The following ADSS1 variants were observed in gnomAD, a reference collection of about 807,000 sequenced individuals.
ADSS1 encodes the protein adenylosuccinate synthetase isozyme 1.
In ADSS1, 57 loss-of-function variants were observed where a neutral mutation model predicts 59.1. That is an observed-to-expected ratio of 0.97 (90% CI 0.78 to 1.20). ADSS1 has a LOEUF of 1.20. ADSS1 is among the 50% of genes most tolerant of loss of function. ADSS1 has a pLI of 0.00. For synonymous variants in ADSS1, 247 were observed against 249.4 expected (o/e 0.99, Z 0.09); for missense variants, 603 against 610.3 (o/e 0.99, Z 0.13).
At chr14:104,742,135 G>A (rs1037461219) in intron 9 of ADSS1, 133 bp downstream of exon 9, 1 of 1,337,126 alleles carries the variant, frequency 7.5e-7, no homozygotes, top group South Asian at 1.4e-5. Flanking sequence ...TCCCACCAGG[G>A]CGCTTCCTGC....
intron 7 of ADSS1, 42 bp from the exon 8 acceptor site, chr14:104,741,075 C>T: frequency 6.3e-7 from 1 of 1,585,282 alleles, no homozygotes; most frequent in African/African-American, 1.3e-5. Flanking sequence ...CTCCCCTGCC[C>T]CAGGCCACAG....
Position 104,729,959 on chromosome 14 carries a change from GC to G in ADSS1, c.193-5058del, listed in dbSNP as rs777908589. The G allele has an allele frequency of 1.3e-6, 2 of 1,587,588 alleles. No homozygotes were observed. Among genetic ancestry groups the G allele is most frequent in the Non-Finnish European group, 1.7e-6 (2 of 1,167,338 alleles). On this transcript the variant is annotated intron_variant, in intron 1 of 12. Coordinates refer to ENST00000330877, the MANE Select transcript of ADSS1 (RefSeq NM_152328.5). The stretch of plus-strand genomic sequence containing the variant: ...AGGTGGGCAGAGGCCCACGAACCTG[GC>G]CCTGACCCTCAGCTCGTCCCCAGCT...
At chr14:104,724,493 ACCGCCCAGCGAGCCCCCCTCC>A (rs1453898611) in intron 1 of ADSS1, 31 bp downstream of exon 1, 46 of 252,988 alleles carry the variant, frequency 1.8e-4, no homozygotes, top group Non-Finnish European at 2.3e-4. Flanking sequence ...TCCCTCCCCC[ACCGCCCAGCGAGCCCCCCTCC>A]CCCGACCCAG....
Position 104,746,473 on chromosome 14 carries a change from A to G in ADSS1, c.1321+88A>G, listed in dbSNP as rs1891563221. On this transcript the variant is annotated intron_variant, in intron 12 of 12. Transcript: ENST00000330877. Reference sequence around the variant, plus strand: ...CCAGCGCAGGGCTTGGTGAGCAATAAGAAAACCAAGTGTGGTCACCAAGCG... The same window carrying G: ...CCAGCGCAGGGCTTGGTGAGCAATAGGAAAACCAAGTGTGGTCACCAAGCG... 5 of 1,479,530 alleles carry G rather than the reference A, an allele frequency of 3.4e-6. No individual in the cohort carries two copies. In the East Asian group the frequency reaches 1.2e-4, roughly 35 times the overall value. The allele number at this position is 1,479,530 out of a possible 1,614,324, so 91.7% of individuals were successfully genotyped here.
intron 8 of ADSS1, among the ~76,000 whole-genome samples, chr14:104,741,540 C>T (rs935609283): frequency 6.6e-6 from 1 of 152,178 alleles, no homozygotes; most frequent in Non-Finnish European, 1.5e-5. Flanking sequence ...GTCTGTACAG[C>T]CATATCCCGT....
At position 104,724,397 on chromosome 14, in the gene ADSS1, G is replaced by T. The variant is rs763589704; in HGVS notation, c.127G>T (p.Asp43Tyr). ...GGTGGTGCTGGGCGCGCAGTGGGGG[G>T]ACGAGGGCAAAGGCAAGGTGGTGGA... is the stretch of plus-strand genomic sequence containing the variant. ...VTVVLGAQWG[D>Y]EGKGKVVDLL... is the part of the protein sequence containing the mutation. Residue 43 changes from aspartate (D) to tyrosine (Y), a missense_variant, in exon 1 of 13, where the codon GAC becomes TAC. Asp to Tyr is a radical substitution (Grantham distance 160). Transcript: ENST00000330877. The T allele has an allele frequency of 2.4e-6, 3 of 1,262,288 alleles. No individual in the cohort carries two copies. The highest frequency in any genetic ancestry group is 3.9e-5 in the Admixed American group (1 of 25,884). 78.2% of individuals were successfully genotyped at this position (1,262,288 alleles called of 1,614,324 possible). A position where few individuals can be genotyped will look rare whatever the true frequency, so the allele number is the denominator to read the frequency against.
At chr14:104,739,274 T>G (rs1891242190) in intron 3 of ADSS1, 54 bp from the exon 4 acceptor site, 1,395 of 1,562,320 alleles carry the variant, frequency 8.9e-4, no homozygotes, top group Non-Finnish European at 1.1e-3. Flanking sequence ...CCCTCACGTG[T>G]GAGCTGCAGC....
At chr14:104,725,265 G>T (rs966259943) in intron 1 of ADSS1, among the ~76,000 whole-genome samples, 1 of 152,228 alleles carries the variant, frequency 6.6e-6, no homozygotes, top group Non-Finnish European at 1.5e-5. Context: ...CCGCCACCCT[G>T]GGGCTACATG....
intron 1 of ADSS1, among the ~76,000 whole-genome samples, chr14:104,732,104 G>A (rs1161619841): frequency 3.3e-5 from 5 of 152,160 alleles, no homozygotes; most frequent in African/African-American, 1.2e-4. Flanking sequence ...TCCAGGAGGC[G>A]AGGCTGGCCC....
intron 1 of ADSS1, among the ~76,000 whole-genome samples, chr14:104,733,319 G>A (rs1890998663): frequency 2.0e-5 from 3 of 152,198 alleles, no homozygotes; most frequent in Admixed American, 6.5e-5. Flanking sequence ...GGGGACTCCT[G>A]CCCTGCGAAG....
chr14:104,727,061 A>G (rs1890736333), intron 1 of ADSS1, among the ~76,000 whole-genome samples: 2 of 152,058 alleles, frequency 1.3e-5, no homozygotes, highest in South Asian at 4.1e-4. Context: ...ACTTGGCAAG[A>G]GTTGCTGCTT....
chr14:104,727,270 C>T (rs73360616), intron 1 of ADSS1, among the ~76,000 whole-genome samples: 7,414 of 152,226 alleles, frequency 0.049, 594 homozygotes, highest in African/African-American at 0.17. Flanking sequence ...GTTTCCTGGG[C>T]GGCCTCCCTT....
At chr14:104,741,288 C>T in intron 8 of ADSS1, 45 bp downstream of exon 8, 1 of 1,516,224 alleles carries the variant, frequency 6.6e-7, no homozygotes, top group South Asian at 1.3e-5. Context: ...TCGTGCCTGC[C>T]AGGGAAGACC....
At chr14:104,745,504 A>G (rs907996495) in intron 11 of ADSS1, 2 of 152,650 alleles carry the variant, frequency 1.3e-5, no homozygotes, top group Admixed American at 1.3e-4. Context: ...GTTCCCCACA[A>G]TGGCTTCCTC....
chr14:104,744,980 C>A, intron 11 of ADSS1, 71 bp downstream of exon 11: 2 of 1,400,656 alleles, frequency 1.4e-6, no homozygotes, highest in Non-Finnish European at 2.0e-6. Flanking sequence ...GGACCTGTGA[C>A]TTCTCAGAGA....
In ADSS1 at chr14:104,740,766, G is replaced by T; in HGVS notation, c.584+58G>T. ...TGGGGAGAAGTTGCCGGAAGGGACT[G>T]TGGCTAGTGGGGAGGGCCCTGAGGA... On this transcript the variant is annotated intron_variant, in intron 6 of 12. Transcript: ENST00000330877. This position sits in a 1 kb window ranked among gnomAD's most constrained non-coding sequence, Gnocchi z 4.8. 6.2e-7 allele frequency: 1 copy of T among 1,612,688 alleles called. No individual in the cohort carries two copies. The highest frequency in any genetic ancestry group is 1.3e-5 in the African/African-American group (1 of 74,992).
chr14:104,736,897 T>G lies in ADSS1; in HGVS notation c.296-1479T>G, dbSNP rs1452023945. Among the ~76,000 whole-genome samples, 6 of 139,972 alleles carry G rather than the reference T, an allele frequency of 4.3e-5. 1 individual carries two copies. Among genetic ancestry groups the G allele is most frequent in the Admixed American group, 2.8e-4 (4 of 14,148 alleles). 91.8% of individuals were successfully genotyped at this position (139,972 alleles called of 152,430 possible). On this transcript the variant is annotated intron_variant, in intron 2 of 12. Coordinates refer to ENST00000330877, the MANE Select transcript of ADSS1 (RefSeq NM_152328.5). The stretch of plus-strand genomic sequence containing the variant: ...CACCTAGCTGATATATATATATATA[T>G]ATATATATATATATATGCATTTTTT...
intron 1 of ADSS1, among the ~76,000 whole-genome samples, chr14:104,732,237 G>A (rs900398393): frequency 1.3e-5 from 2 of 152,230 alleles, no homozygotes; most frequent in African/African-American, 4.8e-5. Flanking sequence ...CAGCCTGACG[G>A]TACCAGTTTT....
intron 1 of ADSS1, 49 bp from the exon 2 acceptor site, chr14:104,734,971 G>A (rs1381451870): frequency 1.9e-6 from 3 of 1,541,622 alleles, no homozygotes; most frequent in Non-Finnish European, 2.7e-6. Context: ...CATGTCCGGG[G>A]GGTCCTCAGT....
Sources: allele counts gnomAD v4.1 joint callset (sites outside exome capture counted in the v4.1 genomes callset), GRCh38; gene constraint gnomAD v4.1.1; non-coding constraint Gnocchi (gnomAD v3.1); transcripts MANE v1.5; gene names NCBI Gene and HGNC (gene_info 2026-07-23, HGNC 2026-07-21).